PLCH1: variants seen among roughly 807,000 people sequenced by gnomAD.
The protein encoded by PLCH1 is 1-phosphatidylinositol 4,5-bisphosphate phosphodiesterase eta-1.
In PLCH1, 60 loss-of-function variants were observed where a neutral mutation model predicts 126.7. The observed-to-expected ratio is 0.47, with a 90% CI of 0.38 to 0.59. PLCH1 has a LOEUF of 0.59. PLCH1 is among the 20% of genes least tolerant of loss of function. The probability of loss-of-function intolerance (pLI) is 0.00; values close to 1 mark genes in which losing one functional copy is unlikely to be tolerated. For missense variants in PLCH1, 1,723 were observed against 2,040.0 expected, an observed-to-expected ratio of 0.84 and a Z score of 2.99; for synonymous variants, 719 against 734.9, an observed-to-expected ratio of 0.98 and a Z score of 0.35.
intron 2 of PLCH1, chr3:155,676,440 T>C (rs912909445): frequency 1.0e-6 from 1 of 984,230 alleles, no homozygotes; most frequent in African/African-American, 1.7e-5. Context: ...CTGGGAAGTG[T>C]AGGTCTTTAT....
In PLCH1 at chr3:155,626,768, CAAAAAAAAAAAAAAAAA is replaced by C. The variant is rs71155058; in HGVS notation, c.80-30407_80-30391del. Among the ~76,000 whole-genome samples the C allele has an allele frequency of 2.8e-4, 14 of 49,652 alleles. No homozygotes were observed. The South Asian group carries it at 6.9e-3, about 25-fold the overall frequency. 32.6% of individuals were successfully genotyped at this position (49,652 alleles called of 152,430 possible). On this transcript the variant is annotated intron_variant, in intron 2 of 22. Transcript: ENST00000460012. ...TGGGCCACAGAGCGAGACTCCGTCTCAAAAAAAAAAAAAAAAAAAAAAAAAAAAAAAGGAAAAAGATG... is the reference window on the plus strand; with the variant it reads ...TGGGCCACAGAGCGAGACTCCGTCTCAAAAAAAAAAAAAAGGAAAAAGATG...
In PLCH1 at chr3:155,583,560, T is replaced by C; in HGVS notation, c.683A>G (p.Asp228Gly). Reference sequence around the variant, plus strand: ...GTAGCTCAAAAGTAACAAATAAAGGTCTCGTCTCAAAGACATCATTTTGTA... The same window carrying C: ...GTAGCTCAAAAGTAACAAATAAAGGCCTCGTCTCAAAGACATCATTTTGTA... ...VFYKMMSLRR[D>G]LYLLLLSYSD... Residue 228 changes from aspartate to glycine, a missense_variant, in exon 6 of 23, where the codon GAC becomes GGC. Physicochemically the swap from Asp to Gly is moderately conservative, Grantham distance 94. This residue lies in a region of PLCH1 where 776 missense variants were observed against 1,062.9 expected (regional missense o/e 0.73). Transcript: ENST00000460012. 6.2e-7 allele frequency: 1 copy of C among 1,604,762 alleles called. No homozygotes were observed. The highest frequency in any genetic ancestry group is 8.5e-7 in the Non-Finnish European group (1 of 1,177,032).
At chr3:155,488,630 T>C in intron 20 of PLCH1, 30 bp downstream of exon 20, 2 of 1,583,662 alleles carry the variant, frequency 1.3e-6, no homozygotes, top group Non-Finnish European at 1.7e-6. Flanking sequence ...GAATGGTCAG[T>C]CTAGAGAGAA....
intron 19 of PLCH1, 94 bp downstream of exon 19, chr3:155,490,690 A>C: frequency 1.4e-6 from 1 of 690,276 alleles, no homozygotes; most frequent in Non-Finnish European, 2.5e-6. Context: ...CGGATTTTAG[A>C]GATTTCTTGC....
chr3:155,729,020 T>C (rs1030315644), intron 1 of PLCH1, among the ~76,000 whole-genome samples: 1 of 152,236 alleles, frequency 6.6e-6, no homozygotes, highest in African/African-American at 2.4e-5. Flanking sequence ...CCTTGGCTTA[T>C]GCTAATTGTC....
intron 2 of PLCH1, among the ~76,000 whole-genome samples, chr3:155,644,424 G>A (rs1252897423): frequency 6.6e-6 from 1 of 152,008 alleles, no homozygotes; most frequent in African/African-American, 2.4e-5. Flanking sequence ...CCTACATGGC[G>A]AAACCCCCTC....
chr3:155,571,632 C>G (rs1006260039), intron 6 of PLCH1, among the ~76,000 whole-genome samples: 12 of 152,214 alleles, frequency 7.9e-5, no homozygotes, highest in African/African-American at 2.9e-4. Context: ...CTCCTGACCT[C>G]AGGTGATCTG....
chr3:155,650,631 C>T (rs1019002653), intron 2 of PLCH1, among the ~76,000 whole-genome samples: 1 of 151,928 alleles, frequency 6.6e-6, no homozygotes, highest in Non-Finnish European at 1.5e-5. Context: ...ACATATGTGA[C>T]GCACATTATA....
At chr3:155,688,699 C>T (rs752757274) in intron 2 of PLCH1, among the ~76,000 whole-genome samples, 1 of 152,146 alleles carries the variant, frequency 6.6e-6, no homozygotes, top group Non-Finnish European at 1.5e-5. Flanking sequence ...TGTCAGCATT[C>T]ACCACTGCTG....
At position 155,494,452 on chromosome 3, in the gene PLCH1, C is replaced by T; in HGVS notation, c.1960G>A (p.Glu654Lys). 6.2e-7 allele frequency: 1 copy of T among 1,613,846 alleles called. No individual in the cohort carries two copies. The highest frequency in any genetic ancestry group is 8.5e-7 in the Non-Finnish European group (1 of 1,179,748). Residue 654 changes from glutamate (E) to lysine (K), a missense_variant, in exon 16 of 23, where the codon GAG (glutamate) becomes AAG (lysine). Glu to Lys is a moderately conservative substitution (Grantham distance 56). Transcript: ENST00000460012. The part of the protein sequence containing the change: ...RAHQVVQQKS[E>K]QFMIYNQKQL... ...TTTTGATTATAAATCATGAACTGCT[C>T]TGATTTTTGCTGAACAACCTGATGT... is the stretch of plus-strand genomic sequence containing the variant.
chr3:155,656,748 A>T (rs1741426575), intron 2 of PLCH1, among the ~76,000 whole-genome samples: 1 of 152,208 alleles, frequency 6.6e-6, no homozygotes, highest in Admixed American at 6.5e-5. Context: ...TAAGGCAAGG[A>T]TGCCCACTGT....
At chr3:155,516,711 T>C (rs1178924599) in intron 11 of PLCH1, among the ~76,000 whole-genome samples, 2 of 151,906 alleles carry the variant, frequency 1.3e-5, no homozygotes, top group African/African-American at 4.8e-5. Flanking sequence ...CTGGGGGTAG[T>C]TAATAAAGTT....
chr3:155,463,033 A>C (rs1712787309), intron 21 of PLCH1, among the ~76,000 whole-genome samples: 1 of 152,122 alleles, frequency 6.6e-6, no homozygotes, highest in Non-Finnish European at 1.5e-5. Context: ...TCGTATGGCT[A>C]CTCTGGAGAC....
intron 21 of PLCH1, among the ~76,000 whole-genome samples, chr3:155,454,900 A>T (rs1014820156): frequency 3.9e-5 from 6 of 152,202 alleles, no homozygotes; most frequent in Non-Finnish European, 8.8e-5. Context: ...ATAAAAGATG[A>T]GGTGGGTCAT....
In PLCH1 at chr3:155,481,159, T is replaced by C. The variant is rs867731090; in HGVS notation, c.4867A>G (p.Thr1623Ala). ...AGGTAGCCTGCGATGTAGGAGCCGGTGGAGTGGCGATTCACTGCAGGGGTG... is the reference window on the plus strand; with the variant it reads ...AGGTAGCCTGCGATGTAGGAGCCGGCGGAGTGGCGATTCACTGCAGGGGTG... ...APTPAVNRHS[T>A]GSYIAGYLKN... The change falls in exon 23 of 23, where the codon ACC becomes GCC. Residue 1623 changes from threonine to alanine, a missense_variant. By Grantham distance (58) the Thr-to-Ala change is moderately conservative. Around this residue, in one of 2 missense-constraint regions of PLCH1, gnomAD observed 947 missense variants for 977.1 expected, o/e 0.97. Coordinates refer to ENST00000460012, the MANE Select transcript of PLCH1 (RefSeq NM_014996.4). This position sits in a 1 kb window ranked among gnomAD's most constrained non-coding sequence, Gnocchi z 4.2. The C allele has an allele frequency of 9.9e-6, 16 of 1,614,198 alleles. 2 individuals are homozygous for C. The Middle Eastern group carries it at 2.6e-3, about 266-fold the overall frequency.
At chr3:155,589,541 G>C (rs1731827652) in intron 4 of PLCH1, among the ~76,000 whole-genome samples, 1 of 152,064 alleles carries the variant, frequency 6.6e-6, no homozygotes, top group Admixed American at 6.6e-5. Flanking sequence ...GTTTGACGGG[G>C]GAAGAATAAG....
At position 155,481,050 on chromosome 3, in the gene PLCH1, T is replaced by C. The variant is rs552068451; in HGVS notation, c.4976A>G (p.Gln1659Arg). 50 of 1,613,814 alleles carry C rather than the reference T, an allele frequency of 3.1e-5. No individual in the cohort carries two copies. The highest frequency in any genetic ancestry group is 2.7e-4 in the South Asian group (25 of 91,088). The stretch of plus-strand genomic sequence containing the variant: ...CAAAACAGAATTATCTGAACAAAAC[T>C]GGTCAACGTGGCCATAGTGAAGAGC... ...CTALHYGHVD[Q>R]FCSDNSVLQT... is the part of the protein sequence containing the mutation. The change falls in exon 23 of 23, where the codon CAG (glutamine) becomes CGG (arginine). Residue 1659 changes from glutamine to arginine, a missense_variant. Physicochemically the swap from Gln to Arg is conservative, Grantham distance 43. This residue lies in a region of PLCH1 where 947 missense variants were observed against 977.1 expected (regional missense o/e 0.97). Coordinates refer to ENST00000460012, the MANE Select transcript of PLCH1 (RefSeq NM_014996.4). The surrounding 1 kb of genome is among the most constrained non-coding windows in gnomAD (Gnocchi z 4.2).
At chr3:155,597,074 T>C (rs1325116805) in intron 2 of PLCH1, among the ~76,000 whole-genome samples, 2 of 152,236 alleles carry the variant, frequency 1.3e-5, no homozygotes, top group Admixed American at 6.5e-5. Flanking sequence ...GAGACAAATC[T>C]TGCTGGATAT....
chr3:155,459,768 A>T (rs1422170778), intron 21 of PLCH1, among the ~76,000 whole-genome samples: 1 of 152,174 alleles, frequency 6.6e-6, no homozygotes, highest in Non-Finnish European at 1.5e-5. Context: ...AGGTGGATGT[A>T]ATGACCATAA....
Sources: gnomAD v4.1 joint callset for allele counts (sites outside exome capture counted in the v4.1 genomes callset) on GRCh38, gnomAD v4.1.1 for gene constraint, gnomAD v4.1.1 regional missense constraint, Gnocchi (gnomAD v3.1) non-coding constraint, MANE v1.5 for transcripts, NCBI Gene and HGNC (gene_info 2026-07-23, HGNC 2026-07-21) for gene names.